Variants in SEL1L2 observed in about 807,000 individuals in gnomAD.
SEL1L2 encodes the protein protein sel-1 homolog 2.
In SEL1L2, 89 loss-of-function variants were observed where a neutral mutation model predicts 98.8. The ratio of observed to expected loss-of-function variants is 0.90; its 90% CI spans 0.76 to 1.07. SEL1L2 has a LOEUF of 1.07. Among genes scored for constraint, SEL1L2 ranks in the 50% least tolerant of loss-of-function variants. The pLI, the probability that SEL1L2 is intolerant of heterozygous loss-of-function variation, is 0.00. For missense variants in SEL1L2, 788 were observed against 812.0 expected (o/e 0.97, Z 0.36); for synonymous variants, 262 against 278.5 (o/e 0.94, Z 0.59).
chr20:13,975,001 A>G (rs564239536), intron 1 of SEL1L2, among the ~76,000 whole-genome samples: 1 of 152,106 alleles, frequency 6.6e-6, no homozygotes. Flanking sequence ...CATTTTATCC[A>G]ATCTCAGAAT....
rs1990869804 is a variant in SEL1L2 at position 13,865,569 on chromosome 20, G to C, written c.1405-55C>G. On this transcript the variant is annotated intron_variant, in intron 15 of 19. Transcript: ENST00000284951. ...TAGTTAGCCAGTATGCTTCACCCCA[G>C]GCAAATGAGAAAGGAAATCAGTCTT... is the stretch of plus-strand genomic sequence containing the variant. 4.8e-6 allele frequency: 7 copies of C among 1,463,540 alleles called. 1 individual carries two copies. In the Admixed American group the frequency reaches 1.4e-4, roughly 29 times the overall value. 90.7% of individuals were successfully genotyped at this position (1,463,540 alleles called of 1,614,324 possible).
At chr20:13,946,503 G>A (rs1304037364) in intron 2 of SEL1L2, among the ~76,000 whole-genome samples, 1 of 152,236 alleles carries the variant, frequency 6.6e-6, no homozygotes, top group African/African-American at 2.4e-5. Flanking sequence ...ACTAACAAAT[G>A]GAAATGATGA....
At chr20:13,857,361 T>C (rs879558533) in intron 18 of SEL1L2, among the ~76,000 whole-genome samples, 23 of 152,234 alleles carry the variant, frequency 1.5e-4, no homozygotes, top group Non-Finnish European at 3.1e-4. Context: ...TTTTCCTGAA[T>C]GTATGAAACG....
intron 12 of SEL1L2, among the ~76,000 whole-genome samples, chr20:13,871,345 G>A (rs2046184551): frequency 6.6e-6 from 1 of 152,066 alleles, no homozygotes; most frequent in Non-Finnish European, 1.5e-5. Flanking sequence ...AGCACATTTA[G>A]TATTCAGCAC....
intron 1 of SEL1L2, among the ~76,000 whole-genome samples, chr20:13,971,420 TG>T (rs2051278483): frequency 6.6e-6 from 1 of 151,980 alleles, no homozygotes; most frequent in Non-Finnish European, 1.5e-5. Context: ...AATGTACTTT[TG>T]TTTTGTTTTG....
At chr20:13,981,608 C>G (rs1007343683) in intron 1 of SEL1L2, among the ~76,000 whole-genome samples, 3 of 152,066 alleles carry the variant, frequency 2.0e-5, no homozygotes, top group African/African-American at 7.2e-5. Flanking sequence ...AATCAGAAAC[C>G]ATTCAGACAA....
intron 3 of SEL1L2, among the ~76,000 whole-genome samples, chr20:13,927,038 T>C (rs2048935876): frequency 6.6e-6 from 1 of 152,264 alleles, no homozygotes; most frequent in South Asian, 2.1e-4. Flanking sequence ...ATAATTATTC[T>C]TTTAGACTTC....
At chr20:13,882,067 ACAT>A (rs1323767015) in intron 10 of SEL1L2, among the ~76,000 whole-genome samples, 2 of 152,224 alleles carry the variant, frequency 1.3e-5, no homozygotes, top group Non-Finnish European at 2.9e-5. Flanking sequence ...AATGATCAAA[ACAT>A]CACATTGTAT....
rs3042764 is a variant in SEL1L2 at position 13,939,665 on chromosome 20, C to CTTTT, written c.115-7898_115-7895dup. Among the ~76,000 whole-genome samples, 5 of 138,524 alleles carry CTTTT rather than the reference C, an allele frequency of 3.6e-5. 1 individual carries two copies. Among genetic ancestry groups the CTTTT allele is most frequent in the Admixed American group, 1.4e-4 (2 of 14,106 alleles). The allele number at this position is 138,524 out of a possible 152,430, so 90.9% of individuals were successfully genotyped here. ...AGTCATGGAATGAAACACCCTTATTCTTTTTTTTTTTTTTTTTTGAGACAG... is the reference window on the plus strand; with the variant it reads ...AGTCATGGAATGAAACACCCTTATTCTTTTTTTTTTTTTTTTTTTTTTGAGACAG... On this transcript the variant is annotated intron_variant, in intron 2 of 19. Coordinates refer to ENST00000284951, the MANE Select transcript of SEL1L2 (RefSeq NM_025229.2).
intron 5 of SEL1L2, among the ~76,000 whole-genome samples, chr20:13,900,892 C>T (rs1363654071): frequency 6.6e-6 from 1 of 152,074 alleles, no homozygotes; most frequent in African/African-American, 2.4e-5. Flanking sequence ...AGAGTTTTGT[C>T]CCCATTATTG....
intron 5 of SEL1L2, 41 bp from the exon 6 acceptor site, chr20:13,888,553 T>TATTAA: frequency 9.0e-7 from 1 of 1,112,842 alleles, no homozygotes; most frequent in Non-Finnish European, 1.3e-6. Flanking sequence ...TAAATCAATT[T>TATTAA]ATTTCCTAAT....
intron 3 of SEL1L2, among the ~76,000 whole-genome samples, chr20:13,919,972 T>C (rs2048580983): frequency 1.4e-5 from 2 of 148,098 alleles, no homozygotes; most frequent in South Asian, 4.3e-4. Context: ...CTCACTCCTG[T>C]AATCCCAGCA....
intron 18 of SEL1L2, among the ~76,000 whole-genome samples, chr20:13,852,333 G>T (rs1988398771): frequency 6.6e-6 from 1 of 152,162 alleles, no homozygotes; most frequent in Non-Finnish European, 1.5e-5. Flanking sequence ...CTCACAATTT[G>T]CAGTGTGTGT....
chr20:13,879,703 G>A, intron 10 of SEL1L2, among the ~76,000 whole-genome samples: 1 of 152,112 alleles, frequency 6.6e-6, no homozygotes. Flanking sequence ...AGAAGCCACT[G>A]AAGATCTATA....
intron 4 of SEL1L2, 71 bp downstream of exon 4, chr20:13,918,950 T>TAC: frequency 2.0e-6 from 2 of 1,018,472 alleles, no homozygotes; most frequent in Middle Eastern, 2.1e-4. Flanking sequence ...AATGATAAAC[T>TAC]ACATTTGGGA....
chr20:13,888,260 T>C (rs1239864504), intron 6 of SEL1L2, among the ~76,000 whole-genome samples, 199 bp downstream of exon 6: 1 of 152,226 alleles, frequency 6.6e-6, no homozygotes, highest in Non-Finnish European at 1.5e-5. Context: ...AAGCAGATAT[T>C]ATCTATCTTC....
intron 1 of SEL1L2, among the ~76,000 whole-genome samples, chr20:13,989,914 A>C (rs1276355988): frequency 6.6e-6 from 1 of 152,166 alleles, no homozygotes; most frequent in Admixed American, 6.5e-5. Context: ...ATATTTCTTA[A>C]ATTGAATTTA....
chr20:13,894,516 C>A lies in SEL1L2; in HGVS notation c.550-6004G>T, dbSNP rs77624275. ...TGGAGGTTGCTGTAAGCAGAGGTCA[C>A]ACCACTGCTCTCCAGCCTGGGCAAC... On this transcript the variant is annotated intron_variant, in intron 5 of 19. Coordinates refer to ENST00000284951, the MANE Select transcript of SEL1L2 (RefSeq NM_025229.2). 1.3e-3 allele frequency among the ~76,000 whole-genome samples: 205 copies of A among 152,322 alleles called. 3 individuals carry two copies. Among genetic ancestry groups the A allele is most frequent in the African/African-American group, 4.4e-3 (184 of 41,568 alleles).
In SEL1L2 at chr20:13,990,481, A is replaced by C. The variant is rs1421194023; in HGVS notation, c.54T>G (p.Ile18Met). The C allele has an allele frequency of 2.5e-6, 4 of 1,610,168 alleles. No individual in the cohort carries two copies. In the Admixed American group the frequency reaches 6.7e-5, roughly 27 times the overall value. ...IEILIILGVTIKTIKAEEHNK... is the reference protein window; with the variant it reads ...IEILIILGVTMKTIKAEEHNK... Reference sequence around the variant, plus strand: ...TCTAAGGACAAAAAAACTTACTTTTAATTGTGACCCCAAGAATTATCAATA... The same window carrying C: ...TCTAAGGACAAAAAAACTTACTTTTCATTGTGACCCCAAGAATTATCAATA... The change falls in exon 1 of 20, where the codon ATT becomes ATG. Residue 18 changes from isoleucine to methionine, a missense_variant. By Grantham distance (10) the Ile-to-Met change is conservative. Transcript: ENST00000284951.
Sources: gnomAD v4.1 joint callset for allele counts (sites outside exome capture counted in the v4.1 genomes callset) on GRCh38, gnomAD v4.1.1 for gene constraint, MANE v1.5 for transcripts, NCBI Gene and HGNC (gene_info 2026-07-23, HGNC 2026-07-21) for gene names.